Variants in ATP10B observed in about 807,000 individuals in gnomAD.
ATP10B encodes phospholipid-transporting ATPase VB.
In ATP10B, 122 loss-of-function variants were observed where a neutral mutation model predicts 141.2. The observed-to-expected ratio is 0.86, with a 90% confidence interval of 0.75 to 1.00. The LOEUF is 1.00. ATP10B is among the 50% of genes least tolerant of loss of function. The pLI is 0.00. For synonymous variants in ATP10B, 685 were observed against 692.0 expected, an observed-to-expected ratio of 0.99 and a Z score of 0.16; for missense variants, 1,876 against 1,825.3, an observed-to-expected ratio of 1.03 and a Z score of -0.51.
At chr5:160,755,848 T>A (rs1267565316) in intron 2 of ATP10B, among the ~76,000 whole-genome samples, 10 of 51,688 alleles carry the variant, frequency 1.9e-4, no homozygotes, top group Admixed American at 4.2e-4. Context: ...AATATATATA[T>A]ATATATATAT....
chr5:160,635,226 G>A (rs1271101701), intron 11 of ATP10B, among the ~76,000 whole-genome samples: 1 of 152,202 alleles, frequency 6.6e-6, no homozygotes, highest in Non-Finnish European at 1.5e-5. Flanking sequence ...AAGTCAGGGT[G>A]TGAGTTGTGA....
chr5:160,644,697 A>G (rs1000069330), intron 8 of ATP10B, among the ~76,000 whole-genome samples: 10 of 152,172 alleles, frequency 6.6e-5, no homozygotes, highest in Non-Finnish European at 1.3e-4. Flanking sequence ...AACGTCAGGA[A>G]GTTACCCTAT....
At chr5:160,831,197 G>A (rs575616990) in intron 1 of ATP10B, among the ~76,000 whole-genome samples, 1 of 151,480 alleles carries the variant, frequency 6.6e-6, no homozygotes, top group South Asian at 2.1e-4. Flanking sequence ...GTTTGTTGTT[G>A]AGCCTAGTAA....
At chr5:160,662,572 C>T (rs1257996301) in intron 7 of ATP10B, among the ~76,000 whole-genome samples, 1 of 152,124 alleles carries the variant, frequency 6.6e-6, no homozygotes, top group East Asian at 1.9e-4. Context: ...ATAAATGGTG[C>T]TGGGAAAACT....
In ATP10B at chr5:160,620,783, C is replaced by T. The variant is rs201458050; in HGVS notation, c.1980G>A (p.Ser660=). ...ACACAGATGCATCATCTCTCTCATCCGAGTCTGTGGTGGCCACGTTGGCCC... is the reference window on the plus strand; with the variant it reads ...ACACAGATGCATCATCTCTCTCATCTGAGTCTGTGGTGGCCACGTTGGCCC... ...SLGANVATTD[S]DERDDASVCS... is the part of the protein sequence containing the mutation. The change falls in exon 15 of 26, where the codon TCG becomes TCA. Residue 660 remains serine, a synonymous_variant. Transcript: ENST00000327245. The T allele has an allele frequency of 6.4e-5, 103 of 1,614,180 alleles. No homozygotes were observed. The highest frequency in any genetic ancestry group is 1.8e-4 in the Admixed American group (11 of 60,024).
chr5:160,668,519 C>T (rs1205340378), intron 7 of ATP10B, among the ~76,000 whole-genome samples: 1 of 152,208 alleles, frequency 6.6e-6, no homozygotes, highest in Admixed American at 6.5e-5. Flanking sequence ...GACCAGATCT[C>T]ACCCTGCCTT....
chr5:160,807,041 A>G (rs1450208898), intron 1 of ATP10B, among the ~76,000 whole-genome samples: 1 of 152,204 alleles, frequency 6.6e-6, no homozygotes, highest in African/African-American at 2.4e-5. Context: ...CCCAGTAAAG[A>G]GAGAATCTAG....
chr5:160,757,189 C>CA (rs202030927), intron 2 of ATP10B, among the ~76,000 whole-genome samples: 2,313 of 152,232 alleles, frequency 0.015, 33 homozygotes, highest in South Asian at 0.033. Flanking sequence ...CATTATTTAT[C>CA]AAAAAGATTA....
rs1324151878 is a variant in ATP10B, at chr5:160,688,096, T to G, written c.-20-2A>C. On this transcript the variant is annotated splice_acceptor_variant, in intron 4 of 25. Transcript: ENST00000327245. LOFTEE classifies it low-confidence loss of function (5UTR_SPLICE). ...CCATTTCCAGCAGCAGGCGAAGATC[T>G]GAAAACAGACACAGGAGGAGCTATG... 2.5e-6 allele frequency: 4 copies of G among 1,605,628 alleles called. No individual in the cohort carries two copies. Among genetic ancestry groups the G allele is most frequent in the Non-Finnish European group, 3.4e-6 (4 of 1,175,928 alleles).
intron 6 of ATP10B, among the ~76,000 whole-genome samples, chr5:160,680,511 T>C (rs570850562): frequency 6.6e-6 from 1 of 152,336 alleles, no homozygotes; most frequent in Non-Finnish European, 1.5e-5. Context: ...ACATATAGTA[T>C]AGAATGTCCC....
chr5:160,839,996 A>T (rs1775714708), intron 1 of ATP10B, among the ~76,000 whole-genome samples: 1 of 152,112 alleles, frequency 6.6e-6, no homozygotes, highest in African/African-American at 2.4e-5. Flanking sequence ...TTTTATTTAC[A>T]ATACCAACAA....
chr5:160,581,612 G>A (rs1755558868), intron 24 of ATP10B, among the ~76,000 whole-genome samples: 2 of 152,156 alleles, frequency 1.3e-5, no homozygotes, highest in Admixed American at 6.5e-5. Flanking sequence ...GTGCTGAGAA[G>A]AATGTATATT....
chr5:160,771,459 C>T (rs1769897427), intron 2 of ATP10B, among the ~76,000 whole-genome samples: 1 of 152,104 alleles, frequency 6.6e-6, no homozygotes, highest in Non-Finnish European at 1.5e-5. Flanking sequence ...ACTTCATGAG[C>T]TGCTAATAAA....
intron 7 of ATP10B, among the ~76,000 whole-genome samples, chr5:160,658,050 A>G (rs906868954): frequency 4.6e-5 from 7 of 152,238 alleles, no homozygotes; most frequent in African/African-American, 1.7e-4. Flanking sequence ...TGGCAAAAAA[A>G]TTCACAAAGA....
At chr5:160,583,499 G>A (rs777542715) in intron 24 of ATP10B, among the ~76,000 whole-genome samples, 15 of 152,328 alleles carry the variant, frequency 9.8e-5, no homozygotes, top group Non-Finnish European at 1.9e-4. Context: ...TGTATGAGGT[G>A]TCTCCCAATC....
At chr5:160,732,700 C>A (rs890954052) in intron 2 of ATP10B, among the ~76,000 whole-genome samples, 7 of 152,146 alleles carry the variant, frequency 4.6e-5, no homozygotes, top group African/African-American at 1.4e-4. Context: ...GTTACTATAG[C>A]TTTGTAGTAT....
At position 160,688,899 on chromosome 5, in the gene ATP10B, G is replaced by A; in HGVS notation, c.-160C>T. Reference sequence around the variant, plus strand: ...TCTTAATCTAGATGGCTGGAGTTGGGGATAGGGGATCCCTTTTCTTTTTCT... The same window carrying A: ...TCTTAATCTAGATGGCTGGAGTTGGAGATAGGGGATCCCTTTTCTTTTTCT... On this transcript the variant is annotated 5_prime_UTR_variant, in exon 4 of 26. Coordinates refer to ENST00000327245, the MANE Select transcript of ATP10B (RefSeq NM_025153.3). 1.0e-6 allele frequency: 1 copy of A among 985,376 alleles called. No homozygotes were observed. Among genetic ancestry groups the A allele is most frequent in the South Asian group, 4.7e-5 (1 of 21,284 alleles). The allele number at this position is 985,376 out of a possible 1,614,324, so 61.0% of individuals were successfully genotyped here. A position where few individuals can be genotyped will look rare whatever the true frequency, so the allele number is the denominator to read the frequency against.
At position 160,597,745 on chromosome 5, in the gene ATP10B, A is replaced by G. The variant is rs1216130726; in HGVS notation, c.3564+1025T>C. Reference sequence around the variant, plus strand: ...CAAAAAGTGGGCAAAGGACATGAACAGATACTTCTCAAAAGAAGACATTTA... The same window carrying G: ...CAAAAAGTGGGCAAAGGACATGAACGGATACTTCTCAAAAGAAGACATTTA... On this transcript the variant is annotated intron_variant, in intron 22 of 25. Transcript: ENST00000327245. 2.0e-5 allele frequency among the ~76,000 whole-genome samples: 3 copies of G among 152,362 alleles called. 1 individual carries two copies. In the Middle Eastern group the frequency reaches 0.01, roughly 518 times the overall value.
chr5:160,590,327 C>A (rs1256605746), intron 23 of ATP10B, among the ~76,000 whole-genome samples: 3 of 152,060 alleles, frequency 2.0e-5, no homozygotes, highest in African/African-American at 7.2e-5. Flanking sequence ...CCAGGAAGTT[C>A]AAGCAAAACA....
Sources: allele counts gnomAD v4.1 joint callset (sites outside exome capture counted in the v4.1 genomes callset), GRCh38; gene constraint gnomAD v4.1.1; transcripts MANE v1.5; gene names NCBI Gene and HGNC (gene_info 2026-07-23, HGNC 2026-07-21).